RANBP2: variants seen among roughly 807,000 people sequenced by gnomAD.
The protein encoded by RANBP2 is E3 SUMO-protein ligase RanBP2.
RANBP2 carries 57 observed loss-of-function variants against 303.6 expected under a neutral mutation model. That is an observed-to-expected ratio of 0.19 (90% confidence interval 0.15 to 0.23). RANBP2 has a LOEUF of 0.23. RANBP2 is among the 10% of genes least tolerant of loss of function. The pLI, the probability that RANBP2 is intolerant of heterozygous loss-of-function variation, is 1.00. For synonymous variants in RANBP2, 1,167 were observed against 1,301.5 expected (o/e 0.90, Z 2.23); for missense variants, 3,138 against 3,780.8 (o/e 0.83, Z 4.46).
chr2:109,241,888 C>G, the RANBP2 span, among the ~76,000 whole-genome samples: 53 of 152,038 alleles, frequency 3.5e-4, no homozygotes, highest in South Asian at 5.6e-3. Context: ...GCCTCAGCCT[C>G]CCGAGTAGCT....
chr2:109,413,497 T>C, the RANBP2 span, among the ~76,000 whole-genome samples: 1 of 152,170 alleles, frequency 6.6e-6, no homozygotes, highest in South Asian at 2.1e-4. Flanking sequence ...TGTCTGTCTG[T>C]CTCTTTCTAT....
chr2:109,128,232 T>C, the RANBP2 span: 3 of 152,260 alleles, frequency 2.0e-5, no homozygotes, highest in Admixed American at 6.5e-5. Context: ...TCGGTCCTCC[T>C]GTACGTACTT....
the RANBP2 span, among the ~76,000 whole-genome samples, chr2:109,576,815 C>T: frequency 1.3e-5 from 2 of 151,700 alleles, no homozygotes; most frequent in South Asian, 2.1e-4. Flanking sequence ...TGAATCAGAG[C>T]GATTAAGAGT....
At chr2:109,125,123 G>A in the RANBP2 span, among the ~76,000 whole-genome samples, 10 of 152,162 alleles carry the variant, frequency 6.6e-5, no homozygotes, top group East Asian at 3.9e-4. Flanking sequence ...TTGCCAAGGC[G>A]TGCCCCCACT....
At chr2:109,326,224 A>C in the RANBP2 span, among the ~76,000 whole-genome samples, 1 of 152,214 alleles carries the variant, frequency 6.6e-6, no homozygotes, top group East Asian at 1.9e-4. Context: ...TCTTCCACCC[A>C]ACAAGGAATC....
At chr2:109,610,640 A>C in the RANBP2 span, among the ~76,000 whole-genome samples, 1 of 152,074 alleles carries the variant, frequency 6.6e-6, no homozygotes, top group Non-Finnish European at 1.5e-5. Flanking sequence ...CGCTTGAACC[A>C]GGGAGGTGGA....
chr2:109,293,787 G>C, the RANBP2 span, among the ~76,000 whole-genome samples: 2 of 152,214 alleles, frequency 1.3e-5, no homozygotes, highest in African/African-American at 2.4e-5. Flanking sequence ...AGCTGTAGGT[G>C]AACGCTGGGG....
At chr2:109,464,485 T>C in the RANBP2 span, among the ~76,000 whole-genome samples, 1 of 152,202 alleles carries the variant, frequency 6.6e-6, no homozygotes, top group African/African-American at 2.4e-5. Context: ...TCTGTACACA[T>C]ATACAGATGC....
the RANBP2 span, among the ~76,000 whole-genome samples, chr2:109,630,042 A>G: frequency 1.3e-5 from 2 of 152,264 alleles, no homozygotes. Flanking sequence ...AGAAAGAATG[A>G]GAAGAAAATC....
chr2:109,760,681 CGGCGGT>C, the RANBP2 span, among the ~76,000 whole-genome samples: 1 of 145,230 alleles, frequency 6.9e-6, no homozygotes, highest in Non-Finnish European at 1.5e-5. Context: ...TCGGCGGCGG[CGGCGGT>C]AGCGGCGGCG....
the RANBP2 span, among the ~76,000 whole-genome samples, chr2:109,529,918 G>C: frequency 1.3e-5 from 2 of 152,204 alleles, no homozygotes; most frequent in Admixed American, 1.3e-4. Flanking sequence ...GCTGTTTCTA[G>C]AATGAGTCTC....
chr2:109,315,677 G>A, the RANBP2 span, among the ~76,000 whole-genome samples: 2,753 of 152,324 alleles, frequency 0.018, 95 homozygotes, highest in African/African-American at 0.063. Flanking sequence ...ATAAAGGGGC[G>A]AGCTCTGTCT....
At chr2:109,153,634 G>A in the RANBP2 span, among the ~76,000 whole-genome samples, 3 of 152,160 alleles carry the variant, frequency 2.0e-5, no homozygotes, top group Non-Finnish European at 2.9e-5. Flanking sequence ...GTGTGGCATA[G>A]TAAAACATGA....
At chr2:108,930,897 G>C in the RANBP2 span, 4 of 1,551,808 alleles carry the variant, frequency 2.6e-6, no homozygotes, top group African/African-American at 4.1e-5. Flanking sequence ...AGCTGAAGAG[G>C]CCAAGAAACA....
chr2:108,993,200 G>A, the RANBP2 span, among the ~76,000 whole-genome samples: 1 of 152,164 alleles, frequency 6.6e-6, no homozygotes, highest in South Asian at 2.1e-4. Flanking sequence ...GACTTGCGAA[G>A]GAAGAAGGCA....
At chr2:108,739,142 C>G (rs533260414) in intron 6 of RANBP2, among the ~76,000 whole-genome samples, 2 of 152,044 alleles carry the variant, frequency 1.3e-5, no homozygotes, top group African/African-American at 4.8e-5. Flanking sequence ...GTGGCTCAGC[C>G]CTGTAATCCC....
the RANBP2 span, among the ~76,000 whole-genome samples, chr2:109,098,165 C>T: frequency 1.3e-5 from 2 of 152,180 alleles, no homozygotes; most frequent in African/African-American, 4.8e-5. Flanking sequence ...CAAAGTAGGT[C>T]CAAATCCTTC....
At chr2:108,975,787 G>A in the RANBP2 span, among the ~76,000 whole-genome samples, 1 of 152,168 alleles carries the variant, frequency 6.6e-6, no homozygotes, top group East Asian at 1.9e-4. Context: ...GCTCCGTGCG[G>A]CATCAGGATG....
the RANBP2 span, among the ~76,000 whole-genome samples, chr2:109,483,821 C>T: frequency 1.3e-5 from 2 of 152,278 alleles, no homozygotes; most frequent in East Asian, 3.9e-4. Flanking sequence ...CCTGTAAACT[C>T]CTCCTGTGAC....
Sources: gnomAD v4.1 joint callset for allele counts (sites outside exome capture counted in the v4.1 genomes callset) on GRCh38, gnomAD v4.1.1 for gene constraint, MANE v1.5 for transcripts, NCBI Gene and HGNC (gene_info 2026-07-23, HGNC 2026-07-21) for gene names.